PIP5K1C: variants seen among roughly 807,000 people sequenced by gnomAD.
The protein encoded by PIP5K1C is phosphatidylinositol-4-phosphate 5-kinase type 1 gamma.
Under a neutral mutation model 80.1 loss-of-function variants are expected in PIP5K1C, and 45 were observed. The observed-to-expected ratio is 0.56, with a 90% CI of 0.44 to 0.72. The LOEUF (loss-of-function observed/expected upper bound fraction) is 0.72. Among genes scored for constraint, PIP5K1C ranks in the 30% least tolerant of loss-of-function variants. The pLI, the probability that PIP5K1C is intolerant of heterozygous loss-of-function variation, is 0.00. For synonymous variants in PIP5K1C, 498 were observed against 420.1 expected (o/e 1.19, Z -2.27); for missense variants, 753 against 954.6 (o/e 0.79, Z 2.78).
At chr19:3,671,439 G>A (rs964669511) in intron 1 of PIP5K1C, among the ~76,000 whole-genome samples, 18 of 152,234 alleles carry the variant, frequency 1.2e-4, no homozygotes, top group African/African-American at 2.4e-4. Flanking sequence ...GTGGTTCCAC[G>A]TCTTCACCTG....
chr19:3,649,081 C>G lies in PIP5K1C; in HGVS notation c.1128-373G>C, dbSNP rs1346637621. ...CGGCACCATGCCCACACGTCCCCTG[C>G]CCAGCGCGGGAGTTAACTGTCACCC... On this transcript the variant is annotated intron_variant, in intron 8 of 17. Coordinates refer to ENST00000335312, the MANE Select transcript of PIP5K1C (RefSeq NM_012398.3). Among the ~76,000 whole-genome samples, 9 of 147,834 alleles carry G rather than the reference C, an allele frequency of 6.1e-5. No homozygotes were observed. In the Admixed American group the frequency reaches 6.2e-4, roughly 10 times the overall value.
chr19:3,692,378 G>A lies in PIP5K1C; in HGVS notation c.94+7919C>T, dbSNP rs148125021. On this transcript the variant is annotated intron_variant, in intron 1 of 17. Transcript: ENST00000335312. The surrounding 1 kb of genome is among the most constrained non-coding windows in gnomAD (Gnocchi z 5.2). ...GCTCCTGGGGCCTCCCTCGCAGCTC[G>A]GCCATGCTGGGCCCCGGCGGCCCCC... is the stretch of plus-strand genomic sequence containing the variant. Among the ~76,000 whole-genome samples the A allele has an allele frequency of 2.1e-3, 322 of 152,230 alleles. 2 individuals are homozygous for A. The highest frequency in any genetic ancestry group is 7.2e-3 in the African/African-American group (300 of 41,534).
rs145355453 is a variant in PIP5K1C, at chr19:3,695,008, G to A, written c.94+5289C>T. ...CTGCAGCGTGGGGGCCACCAAGGCC[G>A]GCAACGGAACAAATGGTGTGGCCGT... On this transcript the variant is annotated intron_variant, in intron 1 of 17. Coordinates refer to ENST00000335312, the MANE Select transcript of PIP5K1C (RefSeq NM_012398.3). 7.9e-5 allele frequency among the ~76,000 whole-genome samples: 12 copies of A among 152,378 alleles called. No homozygotes were observed. The South Asian group carries it at 8.3e-4, about 11-fold the overall frequency.
At chr19:3,636,581 T>C in intron 16 of PIP5K1C, 4 of 985,580 alleles carry the variant, frequency 4.1e-6, no homozygotes, top group Non-Finnish European at 4.8e-6. Context: ...CAGGCCCCTC[T>C]GGGCAGCTCC....
chr19:3,652,230 A>G (rs757346455), intron 7 of PIP5K1C, among the ~76,000 whole-genome samples, 199 bp from the exon 8 acceptor site: 19 of 152,196 alleles, frequency 1.2e-4, no homozygotes, highest in Non-Finnish European at 2.5e-4. Flanking sequence ...GCGGCATCAG[A>G]GCAGGCCAGA....
intron 1 of PIP5K1C, among the ~76,000 whole-genome samples, chr19:3,679,416 G>C (rs2035517810): frequency 6.6e-6 from 1 of 152,200 alleles, no homozygotes; most frequent in Admixed American, 6.5e-5. Flanking sequence ...CCTCCCCAGG[G>C]AGACCGTCCT....
At chr19:3,652,249 G>C (rs1178485662) in intron 7 of PIP5K1C, among the ~76,000 whole-genome samples, 1 of 152,230 alleles carries the variant, frequency 6.6e-6, no homozygotes, top group East Asian at 1.9e-4. Flanking sequence ...GAGAATGGGG[G>C]CTTCCAGCCT....
At chr19:3,643,757 G>A (rs1184261464) in intron 12 of PIP5K1C, among the ~76,000 whole-genome samples, 2 of 145,952 alleles carry the variant, frequency 1.4e-5, no homozygotes, top group African/African-American at 5.0e-5. Context: ...CCTGCCCCAG[G>A]GCCCTTGCAT....
At chr19:3,646,145 GT>G in intron 10 of PIP5K1C, 87 bp from the exon 11 acceptor site, 2 of 808,732 alleles carry the variant, frequency 2.5e-6, no homozygotes, top group Non-Finnish European at 4.4e-6. Flanking sequence ...CTGTATGTGT[GT>G]GGGGGGCACC....
chr19:3,630,766 T>G lies in PIP5K1C; in HGVS notation c.*2401A>C, dbSNP rs1413300490. 6.6e-6 allele frequency: 1 copy of G among 152,150 alleles called. No individual in the cohort carries two copies. Among genetic ancestry groups the G allele is most frequent in the Non-Finnish European group, 1.5e-5 (1 of 68,002 alleles). 9.4% of individuals were successfully genotyped at this position (152,150 alleles called of 1,614,324 possible). A position where few individuals can be genotyped will look rare whatever the true frequency, so the allele number is the denominator to read the frequency against. On this transcript the variant is annotated 3_prime_UTR_variant, in exon 18 of 18. Coordinates refer to ENST00000335312, the MANE Select transcript of PIP5K1C (RefSeq NM_012398.3). ...ATTTGGACACTGCCCACGTTCTCAG[T>G]GGACAGCAGCCATCAGAGGTGACCC... is the stretch of plus-strand genomic sequence containing the variant.
At chr19:3,652,676 G>A (rs897735656) in intron 7 of PIP5K1C, among the ~76,000 whole-genome samples, 1 of 152,182 alleles carries the variant, frequency 6.6e-6, no homozygotes, top group Non-Finnish European at 1.5e-5. Flanking sequence ...TCGCTAACAC[G>A]GAGCCAACGC....
chr19:3,697,086 G>T, intron 1 of PIP5K1C, among the ~76,000 whole-genome samples: 1 of 148,398 alleles, frequency 6.7e-6, no homozygotes, highest in East Asian at 2.0e-4. Context: ...AAGGAGGACC[G>T]AGCTGGACCG....
At chr19:3,644,313 A>T in intron 11 of PIP5K1C, 62 bp from the exon 12 acceptor site, 1 of 1,553,358 alleles carries the variant, frequency 6.4e-7, no homozygotes, top group South Asian at 1.1e-5. Context: ...AAGCCCAGAC[A>T]GGGCCGCCGC....
intron 5 of PIP5K1C, among the ~76,000 whole-genome samples, chr19:3,659,783 C>T (rs2034768209): frequency 6.6e-6 from 1 of 152,194 alleles, no homozygotes; most frequent in Non-Finnish European, 1.5e-5. Flanking sequence ...CCTGGAAGAG[C>T]GCAGCCTCGG....
At chr19:3,683,796 G>C (rs1377641323) in intron 1 of PIP5K1C, among the ~76,000 whole-genome samples, 1 of 152,164 alleles carries the variant, frequency 6.6e-6, no homozygotes, top group Non-Finnish European at 1.5e-5. Flanking sequence ...ACCGTGTCTG[G>C]AGAGCTGGGA....
intron 8 of PIP5K1C, among the ~76,000 whole-genome samples, chr19:3,650,362 A>T (rs1180329237): frequency 6.6e-6 from 1 of 152,236 alleles, no homozygotes. Flanking sequence ...TACCAAAGTG[A>T]AGGCTCGGGC....
intron 5 of PIP5K1C, among the ~76,000 whole-genome samples, chr19:3,659,636 C>T (rs1271216255): frequency 6.6e-6 from 1 of 152,150 alleles, no homozygotes; most frequent in African/African-American, 2.4e-5. Flanking sequence ...CGCTGGGACA[C>T]TGAAGTCCGG....
intron 5 of PIP5K1C, among the ~76,000 whole-genome samples, chr19:3,660,236 C>T (rs921292906): frequency 1.3e-5 from 2 of 152,074 alleles, no homozygotes; most frequent in Non-Finnish European, 2.9e-5. Flanking sequence ...AAAAATTAGC[C>T]GGGCGTGGTG....
Position 3,700,327 on chromosome 19 carries a change from C to T in PIP5K1C, c.64G>A (p.Ala22Thr), listed in dbSNP as rs1330790497. 1 of 1,297,248 alleles carries T rather than the reference C, an allele frequency of 7.7e-7. No individual in the cohort carries two copies. The highest frequency in any genetic ancestry group is 4.6e-5 in the East Asian group (1 of 21,862). 80.4% of individuals were successfully genotyped at this position (1,297,248 alleles called of 1,614,324 possible). A position where few individuals can be genotyped will look rare whatever the true frequency, so the allele number is the denominator to read the frequency against. Residue 22 changes from alanine (A) to threonine (T), a missense_variant, in exon 1 of 18, where the codon GCG becomes ACG. Transcript: ENST00000335312. ...GCCGCCCCGCTCTCTGCCGCCCACGCCGCCTCCGAGGGCACGGCCCCCGCC... is the reference window on the plus strand; with the variant it reads ...GCCGCCCCGCTCTCTGCCGCCCACGTCGCCTCCGAGGGCACGGCCCCCGCC... The part of the protein sequence containing the change: ...AEAGAVPSEA[A>T]WAAESGAAAG...
Sources: gnomAD v4.1 joint callset for allele counts (sites outside exome capture counted in the v4.1 genomes callset) on GRCh38, gnomAD v4.1.1 for gene constraint, Gnocchi (gnomAD v3.1) non-coding constraint, MANE v1.5 for transcripts, NCBI Gene and HGNC (gene_info 2026-07-23, HGNC 2026-07-21) for gene names.